ATRNL1: variants seen among roughly 807,000 people sequenced by gnomAD.
ATRNL1 encodes the protein attractin like 1, also known as attractin-like protein 1.
In ATRNL1, 95 loss-of-function variants were observed where a neutral mutation model predicts 182.7. The ratio of observed to expected loss-of-function variants is 0.52; its 90% confidence interval spans 0.44 to 0.62. The LOEUF is 0.62. ATRNL1 is among the 20% of genes least tolerant of loss of function. The probability of loss-of-function intolerance (pLI) is 0.00; values close to 1 mark genes in which losing one functional copy is unlikely to be tolerated. For missense variants in ATRNL1, 1,471 were observed against 1,679.5 expected (o/e 0.88, Z 2.17); for synonymous variants, 576 against 568.3 (o/e 1.01, Z -0.19).
At chr10:115,726,123 C>CTTAAATAAATAAACTTGTGT (rs1158508524) in intron 26 of ATRNL1, among the ~76,000 whole-genome samples, 194 of 152,078 alleles carry the variant, frequency 1.3e-3, no homozygotes, top group Non-Finnish European at 2.0e-3. Context: ...TAAACTTCTG[C>CTTAAATAAATAAACTTGTGT]TTAAATAAAT....
intron 5 of ATRNL1, among the ~76,000 whole-genome samples, chr10:115,154,761 G>A (rs1284779886): frequency 2.0e-5 from 3 of 152,100 alleles, no homozygotes; most frequent in Non-Finnish European, 4.4e-5. Context: ...TGGATGATCT[G>A]TCTAATGCTG....
chr10:115,408,907 C>T (rs1016328184), intron 20 of ATRNL1, among the ~76,000 whole-genome samples: 1 of 152,036 alleles, frequency 6.6e-6, no homozygotes, highest in Non-Finnish European at 1.5e-5. Context: ...TCTGTGTTCT[C>T]CATTATGTTT....
chr10:115,358,239 G>T (rs1336786836), intron 19 of ATRNL1, among the ~76,000 whole-genome samples: 2 of 151,396 alleles, frequency 1.3e-5, no homozygotes, highest in Non-Finnish European at 3.0e-5. Flanking sequence ...CATAGGAAAA[G>T]AAAAAAGAGA....
At chr10:115,133,831 A>C (rs1335832488) in intron 5 of ATRNL1, among the ~76,000 whole-genome samples, 1 of 152,194 alleles carries the variant, frequency 6.6e-6, no homozygotes, top group Non-Finnish European at 1.5e-5. Flanking sequence ...AAAGAACAGA[A>C]GTTATAACAA....
In ATRNL1 at chr10:115,093,420, C is replaced by T. The variant is rs1265110424; in HGVS notation, c.-331C>T. 9.8e-6 allele frequency: 3 copies of T among 307,140 alleles called. No homozygotes were observed. The highest frequency in any genetic ancestry group is 2.3e-5 in the African/African-American group (1 of 44,084). The allele number at this position is 307,140 out of a possible 1,614,324, so 19.0% of individuals were successfully genotyped here. A position where few individuals can be genotyped will look rare whatever the true frequency, so the allele number is the denominator to read the frequency against. On this transcript the variant is annotated 5_prime_UTR_variant, in exon 1 of 29. Coordinates refer to ENST00000355044, the MANE Select transcript of ATRNL1 (RefSeq NM_207303.4). This position sits in a 1 kb window ranked among gnomAD's most constrained non-coding sequence, Gnocchi z 6.1. ...CGCGCGCGGGGTCCCCTCCTCCTGC[C>T]GGTCAGGTCCCCTCAGGAGCGCCGG...
At chr10:115,584,145 C>T (rs370885889) in intron 26 of ATRNL1, among the ~76,000 whole-genome samples, 8 of 150,432 alleles carry the variant, frequency 5.3e-5, no homozygotes, top group East Asian at 2.0e-4. Context: ...CTGCTGGATT[C>T]GGTTTGCCAG....
In ATRNL1 at chr10:115,944,888, C is replaced by A; in HGVS notation, c.*109C>A. 7.8e-7 allele frequency: 1 copy of A among 1,276,610 alleles called. No homozygotes were observed. Among genetic ancestry groups the A allele is most frequent in the East Asian group, 2.6e-5 (1 of 39,054 alleles). The allele number at this position is 1,276,610 out of a possible 1,614,324, so 79.1% of individuals were successfully genotyped here. On this transcript the variant is annotated 3_prime_UTR_variant, in exon 29 of 29. Transcript: ENST00000355044. The stretch of plus-strand genomic sequence containing the variant: ...AGGCAGATCTCTGTATCATCCAGAG[C>A]CTGAGTACAGTTTCCTTCCAAATGG...
chr10:115,175,949 C>T (rs1481799026), intron 8 of ATRNL1, among the ~76,000 whole-genome samples: 1 of 152,180 alleles, frequency 6.6e-6, no homozygotes, highest in Admixed American at 6.5e-5. Flanking sequence ...GTTCCTGTTT[C>T]TCCACATCCT....
chr10:115,097,697 G>A (rs1228082922), intron 1 of ATRNL1, among the ~76,000 whole-genome samples: 1 of 152,146 alleles, frequency 6.6e-6, no homozygotes, highest in African/African-American at 2.4e-5. Flanking sequence ...AGACCGAGGC[G>A]GGCGGATCAT....
At chr10:115,323,990 G>A (rs1271885277) in intron 18 of ATRNL1, among the ~76,000 whole-genome samples, 1 of 149,620 alleles carries the variant, frequency 6.7e-6, no homozygotes, top group Non-Finnish European at 1.5e-5. Flanking sequence ...TGTTAGCCAG[G>A]ATGGTCTCGA....
chr10:115,340,622 G>T (rs1446766286), intron 19 of ATRNL1, among the ~76,000 whole-genome samples: 1 of 151,508 alleles, frequency 6.6e-6, no homozygotes, highest in Non-Finnish European at 1.5e-5. Context: ...TGCTTTAAAT[G>T]TTTGGTAGAA....
At chr10:115,434,615 A>G (rs1554964531) in intron 21 of ATRNL1, among the ~76,000 whole-genome samples, 1 of 152,180 alleles carries the variant, frequency 6.6e-6, no homozygotes, top group East Asian at 1.9e-4. Flanking sequence ...CCATTTTTTC[A>G]AATAAGAAAT....
At chr10:115,759,127 A>G (rs1246732641) in intron 27 of ATRNL1, among the ~76,000 whole-genome samples, 1 of 152,182 alleles carries the variant, frequency 6.6e-6, no homozygotes, top group African/African-American at 2.4e-5. Flanking sequence ...ATAATATTGT[A>G]TTATTTTGTT....
intron 14 of ATRNL1, among the ~76,000 whole-genome samples, chr10:115,281,939 G>T (rs987506780): frequency 2.0e-5 from 3 of 146,580 alleles, no homozygotes; most frequent in African/African-American, 7.4e-5. Flanking sequence ...TATATATTTT[G>T]CCTCTCTGTA....
At chr10:115,407,496 T>A (rs959942318) in intron 20 of ATRNL1, among the ~76,000 whole-genome samples, 110 of 152,320 alleles carry the variant, frequency 7.2e-4, no homozygotes, top group African/African-American at 2.6e-3. Context: ...TAACTTTCTA[T>A]TCCTGGCTTA....
chr10:115,886,002 T>C (rs782050404), intron 28 of ATRNL1, among the ~76,000 whole-genome samples: 3 of 152,230 alleles, frequency 2.0e-5, no homozygotes, highest in Admixed American at 6.5e-5. Context: ...GTGCCTGCGT[T>C]TGCATCTGTA....
intron 27 of ATRNL1, among the ~76,000 whole-genome samples, chr10:115,795,584 C>G (rs1266007262): frequency 6.6e-6 from 1 of 152,116 alleles, no homozygotes; most frequent in Non-Finnish European, 1.5e-5. Context: ...GTGTGCTATA[C>G]AGGCTTCTGC....
chr10:115,918,602 G>A (rs1952951371), intron 28 of ATRNL1, among the ~76,000 whole-genome samples: 1 of 152,178 alleles, frequency 6.6e-6, no homozygotes, highest in African/African-American at 2.4e-5. Context: ...GAGATGTAGT[G>A]GGGTTAGGGA....
At chr10:115,618,110 A>G (rs1319264840) in intron 26 of ATRNL1, among the ~76,000 whole-genome samples, 1 of 152,162 alleles carries the variant, frequency 6.6e-6, no homozygotes, top group Admixed American at 6.5e-5. Context: ...AGATGTTGTC[A>G]TGCTTCTTGT....
Sources: allele counts gnomAD v4.1 joint callset (sites outside exome capture counted in the v4.1 genomes callset), GRCh38; gene constraint gnomAD v4.1.1; non-coding constraint Gnocchi (gnomAD v3.1); transcripts MANE v1.5; gene names NCBI Gene and HGNC (gene_info 2026-07-23, HGNC 2026-07-21).